The following DCAF6 variants were observed in gnomAD, a reference collection of about 807,000 sequenced individuals.
The protein encoded by DCAF6 is DDB1 and CUL4 associated factor 6.
DCAF6 carries 54 observed loss-of-function variants against 125.1 expected under a neutral mutation model. The ratio of observed to expected loss-of-function variants is 0.43; its 90% CI spans 0.35 to 0.54. The LOEUF (loss-of-function observed/expected upper bound fraction) is 0.54, where lower values mean the gene tolerates loss of function less well. Among genes scored for constraint, DCAF6 ranks in the 20% least tolerant of loss-of-function variants. The pLI, the probability that DCAF6 is intolerant of heterozygous loss-of-function variation, is 0.01. For missense variants in DCAF6, 934 were observed against 1,161.7 expected (o/e 0.80, Z 2.85); for synonymous variants, 371 against 390.4 (o/e 0.95, Z 0.58).
At chr1:168,064,079 A>ATTTTTTTTTTTT (rs11295034) in intron 18 of DCAF6, 2 of 92,416 alleles carry the variant, frequency 2.2e-5, no homozygotes, top group Non-Finnish European at 4.2e-5. Context: ...TTTCTGGTGG[A>ATTTTTTTTTTTT]TTTTTTTTTT....
chr1:167,924,430 T>C, the DCAF6 span: 1 of 1,362,160 alleles, frequency 7.3e-7, no homozygotes, highest in Non-Finnish European at 1.0e-6. Context: ...TAAAAGTTAC[T>C]TCAAATTAGT....
the DCAF6 span, among the ~76,000 whole-genome samples, chr1:167,891,117 G>A: frequency 8.1e-3 from 1,229 of 151,884 alleles, 11 homozygotes; most frequent in African/African-American, 0.028. Flanking sequence ...GTGTGCCACC[G>A]CGCCTGGCTA....
intron 17 of DCAF6, among the ~76,000 whole-genome samples, chr1:168,059,571 TA>T (rs1309748626): frequency 6.6e-6 from 1 of 152,264 alleles, no homozygotes; most frequent in Admixed American, 6.5e-5. Context: ...ATAGTTGTAA[TA>T]AATCTGTAAA....
At chr1:167,901,585 T>C in the DCAF6 span, 11 of 1,441,610 alleles carry the variant, frequency 7.6e-6, no homozygotes, top group Non-Finnish European at 1.1e-5. Flanking sequence ...ACTACTTCTC[T>C]TTGGGAGAGA....
At chr1:168,070,014 A>T (rs1047223835) in intron 21 of DCAF6, among the ~76,000 whole-genome samples, 4 of 152,292 alleles carry the variant, frequency 2.6e-5, no homozygotes, top group Middle Eastern at 3.4e-3. Flanking sequence ...CTTCCTCAGT[A>T]GTTTTCCTGC....
intron 17 of DCAF6, among the ~76,000 whole-genome samples, chr1:168,053,332 T>A (rs1190238026): frequency 6.6e-6 from 1 of 152,234 alleles, no homozygotes; most frequent in Non-Finnish European, 1.5e-5. Context: ...CACCTTTTTG[T>A]CAAAAACTCT....
At chr1:167,998,103 A>C (rs891257204) in intron 7 of DCAF6, among the ~76,000 whole-genome samples, 1 of 152,142 alleles carries the variant, frequency 6.6e-6, no homozygotes, top group Non-Finnish European at 1.5e-5. Context: ...TCTTGGAGAT[A>C]TTGCAGGTTT....
chr1:167,870,213 G>C, the DCAF6 span: 1 of 1,610,244 alleles, frequency 6.2e-7, no homozygotes, highest in Non-Finnish European at 8.5e-7. Context: ...AAATAAATCA[G>C]GATTCTATGG....
the DCAF6 span, among the ~76,000 whole-genome samples, chr1:167,921,770 G>A: frequency 2.0e-5 from 3 of 152,024 alleles, no homozygotes; most frequent in Non-Finnish European, 2.9e-5. Context: ...GCACTGTAGT[G>A]TAATTTATCC....
intron 10 of DCAF6, among the ~76,000 whole-genome samples, chr1:168,008,751 C>T (rs1301956654): frequency 6.6e-6 from 1 of 151,972 alleles, no homozygotes; most frequent in Non-Finnish European, 1.5e-5. Context: ...TCAATTTTCT[C>T]AGTACTTGAT....
At chr1:167,970,528 G>A (rs957806075) in intron 3 of DCAF6, among the ~76,000 whole-genome samples, 1 of 152,160 alleles carries the variant, frequency 6.6e-6, no homozygotes, top group African/African-American at 2.4e-5. Flanking sequence ...CATGCCTGTA[G>A]TCCCAGTTAC....
intron 1 of DCAF6, among the ~76,000 whole-genome samples, chr1:167,942,775 G>A (rs1217114720): frequency 6.6e-6 from 1 of 152,090 alleles, no homozygotes; most frequent in African/African-American, 2.4e-5. Flanking sequence ...AACAGTGTGT[G>A]GAAAGACTAC....
At chr1:168,005,488 A>G (rs552573233) in intron 10 of DCAF6, among the ~76,000 whole-genome samples, 1 of 152,260 alleles carries the variant, frequency 6.6e-6, no homozygotes, top group South Asian at 2.1e-4. Flanking sequence ...AGATGTATCT[A>G]CAGTTTACTC....
At chr1:168,013,506 CTG>C (rs1352413823) in intron 10 of DCAF6, among the ~76,000 whole-genome samples, 6 of 152,206 alleles carry the variant, frequency 3.9e-5, no homozygotes, top group African/African-American at 1.4e-4. Context: ...ATTGACATCT[CTG>C]TGCATATTTT....
chr1:167,999,496 C>G (rs779529804), intron 7 of DCAF6, among the ~76,000 whole-genome samples: 2 of 152,174 alleles, frequency 1.3e-5, no homozygotes, highest in Non-Finnish European at 2.9e-5. Flanking sequence ...TGATAGAAGG[C>G]TGTTTCATTT....
the DCAF6 span, chr1:167,920,720 T>C: frequency 3.2e-6 from 4 of 1,267,752 alleles, no homozygotes; most frequent in Non-Finnish European, 4.3e-6. Context: ...ATTTTTGAGA[T>C]TTCCGTAAGT....
At chr1:168,010,922 A>G (rs1272658666) in intron 10 of DCAF6, among the ~76,000 whole-genome samples, 2 of 151,974 alleles carry the variant, frequency 1.3e-5, no homozygotes. Flanking sequence ...CAAGTGTGCT[A>G]TTTAATTTTT....
At chr1:168,027,746 T>A (rs151069488) in intron 12 of DCAF6, among the ~76,000 whole-genome samples, 2 of 152,074 alleles carry the variant, frequency 1.3e-5, no homozygotes, top group South Asian at 4.1e-4. Context: ...ACTGAAGAAA[T>A]TTTTTTCTTT....
the DCAF6 span, chr1:167,875,186 G>T: frequency 1.9e-6 from 3 of 1,614,014 alleles, no homozygotes; most frequent in Non-Finnish European, 2.5e-6. Context: ...TACCAAACAT[G>T]CTGAAGAGAA....
Sources: allele counts gnomAD v4.1 joint callset (sites outside exome capture counted in the v4.1 genomes callset), GRCh38; gene constraint gnomAD v4.1.1; transcripts MANE v1.5; gene names NCBI Gene and HGNC (gene_info 2026-07-23, HGNC 2026-07-21).